FARP1: variants seen among roughly 807,000 people sequenced by gnomAD.
FARP1 encodes FERM, ARHGEF and pleckstrin domain-containing protein 1.
A neutral mutation model predicts 128.8 loss-of-function variants in FARP1; 52 were observed. That is an observed-to-expected ratio of 0.40 (90% CI 0.32 to 0.51). The LOEUF (loss-of-function observed/expected upper bound fraction) is 0.51, where lower values mean the gene tolerates loss of function less well. FARP1 is among the 20% of genes least tolerant of loss of function. The pLI is 0.45. For missense variants in FARP1, 1,333 were observed against 1,367.9 expected (o/e 0.97, Z 0.40); for synonymous variants, 580 against 551.8 (o/e 1.05, Z -0.72).
intron 2 of FARP1, chr13:98,234,212 C>T (rs1400427894): frequency 6.6e-6 from 1 of 152,206 alleles, no homozygotes; most frequent in Non-Finnish European, 1.5e-5. Flanking sequence ...GGCTTCCTCT[C>T]ACCTCACCTT....
chr13:98,358,184 T>TA (rs1888718185), intron 3 of FARP1, among the ~76,000 whole-genome samples: 1 of 151,942 alleles, frequency 6.6e-6, no homozygotes, highest in Non-Finnish European at 1.5e-5. Context: ...CTCTGTCCTG[T>TA]GAACTCGCAT....
chr13:98,414,745 C>T (rs1432785659), intron 16 of FARP1, among the ~76,000 whole-genome samples: 1 of 152,188 alleles, frequency 6.6e-6, no homozygotes, highest in East Asian at 1.9e-4. Flanking sequence ...AAGGATGGCT[C>T]CTTCAAAATT....
At chr13:98,236,208 A>G (rs1383560210) in intron 2 of FARP1, among the ~76,000 whole-genome samples, 9 of 152,108 alleles carry the variant, frequency 5.9e-5, no homozygotes, top group Admixed American at 2.0e-4. Flanking sequence ...ATCACATGGC[A>G]TTTTTTCTTC....
At chr13:98,248,751 C>T (rs921210912) in intron 2 of FARP1, among the ~76,000 whole-genome samples, 9 of 151,740 alleles carry the variant, frequency 5.9e-5, no homozygotes, top group South Asian at 2.1e-4. Context: ...TCTCAGCTCT[C>T]GCGCTGGAAA....
chr13:98,278,008 C>CTGTTGTTT (rs1884741590), intron 2 of FARP1, among the ~76,000 whole-genome samples: 1 of 152,264 alleles, frequency 6.6e-6, no homozygotes, highest in African/African-American at 2.4e-5. Flanking sequence ...ATTTAACAAG[C>CTGTTGTTT]TATTGTTTTA....
chr13:98,346,251 G>A (rs939211526), intron 3 of FARP1, among the ~76,000 whole-genome samples: 3 of 145,262 alleles, frequency 2.1e-5, no homozygotes, highest in Non-Finnish European at 4.5e-5. Flanking sequence ...GTGCAGTGGT[G>A]CGAGCTTGGC....
chr13:98,377,757 A>T, intron 5 of FARP1, 64 bp from the exon 6 acceptor site: 4 of 1,201,720 alleles, frequency 3.3e-6, no homozygotes, highest in South Asian at 2.4e-5. Flanking sequence ...TCTCATGGTG[A>T]GGCCAGGTTC....
chr13:98,253,583 A>T (rs1266751420), intron 2 of FARP1, among the ~76,000 whole-genome samples: 1 of 152,204 alleles, frequency 6.6e-6, no homozygotes, highest in Non-Finnish European at 1.5e-5. Flanking sequence ...GGTTGTGAGG[A>T]TTAAGCGAGA....
chr13:98,187,881 T>C (rs1878981160), intron 1 of FARP1, among the ~76,000 whole-genome samples: 1 of 152,228 alleles, frequency 6.6e-6, no homozygotes, highest in Non-Finnish European at 1.5e-5. Flanking sequence ...CTGCAAAGCA[T>C]GCTGTTCAGT....
At position 98,347,265 on chromosome 13, in the gene FARP1, T is replaced by A. The variant is rs148341045; in HGVS notation, c.276+3399T>A. On this transcript the variant is annotated intron_variant, in intron 3 of 26. Coordinates refer to ENST00000319562, the MANE Select transcript of FARP1 (RefSeq NM_005766.4). ...TCTTCGTAGTTATTATTTTTTTAAT[T>A]GTGGTCAAAAACAAGTAACACATTT... is the stretch of plus-strand genomic sequence containing the variant. 6.6e-3 allele frequency among the ~76,000 whole-genome samples: 1,010 copies of A among 152,084 alleles called. 13 individuals carry two copies. Among genetic ancestry groups the A allele is most frequent in the African/African-American group, 0.023 (961 of 41,314 alleles).
At chr13:98,306,588 C>T (rs542335957) in intron 2 of FARP1, among the ~76,000 whole-genome samples, 10 of 152,138 alleles carry the variant, frequency 6.6e-5, no homozygotes, top group South Asian at 4.2e-4. Context: ...AATTGTGGCC[C>T]GCTGCAGCCT....
At chr13:98,207,817 T>C (rs79738187) in intron 1 of FARP1, among the ~76,000 whole-genome samples, 2,324 of 151,912 alleles carry the variant, frequency 0.015, 59 homozygotes, top group African/African-American at 0.053. Context: ...AGAAAACATA[T>C]ATGGAATAGA....
chr13:98,319,880 G>A (rs1355586206), intron 2 of FARP1, among the ~76,000 whole-genome samples: 1 of 151,900 alleles, frequency 6.6e-6, no homozygotes, highest in Non-Finnish European at 1.5e-5. Flanking sequence ...TTGAAAATAA[G>A]TTGGAAAAAA....
chr13:98,395,394 C>G lies in FARP1; in HGVS notation c.1332C>G (p.Ala444=). The part of the protein sequence containing the change: ...PAGNKQADGA[A]SAPTEEEEEV... ...GTAACAAGCAGGCGGACGGAGCCGC[C>G]TCGGCGCCCACGGAGGAAGAGGAGG... The change falls in exon 13 of 27, where the codon GCC becomes GCG. Residue 444 remains alanine (A), a synonymous_variant. Transcript: ENST00000319562. The G allele has an allele frequency of 5.6e-6, 9 of 1,611,618 alleles. No individual in the cohort carries two copies. Among genetic ancestry groups the G allele is most frequent in the Non-Finnish European group, 7.6e-6 (9 of 1,178,960 alleles).
At chr13:98,252,266 G>C (rs564240182) in intron 2 of FARP1, among the ~76,000 whole-genome samples, 3 of 152,138 alleles carry the variant, frequency 2.0e-5, no homozygotes, top group Non-Finnish European at 4.4e-5. Flanking sequence ...CATTTTGACT[G>C]TTCAGACTTC....
intron 3 of FARP1, among the ~76,000 whole-genome samples, chr13:98,356,662 A>G (rs1888658005): frequency 1.5e-5 from 1 of 66,404 alleles, no homozygotes; most frequent in Non-Finnish European, 3.1e-5. Flanking sequence ...TATTTTTGAG[A>G]CAGCCTCGCT....
chr13:98,199,715 G>A (rs2139263670), intron 1 of FARP1, among the ~76,000 whole-genome samples: 1 of 152,282 alleles, frequency 6.6e-6, no homozygotes. Context: ...GAGTGAGGTT[G>A]GCTGCAGACT....
At chr13:98,211,086 TTGTTGTTG>T (rs917748227) in intron 1 of FARP1, among the ~76,000 whole-genome samples, 1 of 152,034 alleles carries the variant, frequency 6.6e-6, no homozygotes, top group Non-Finnish European at 1.5e-5. Context: ...TCTGAAATTG[TTGTTGTTG>T]TGTTGTTACT....
intron 3 of FARP1, among the ~76,000 whole-genome samples, chr13:98,351,946 G>A (rs1305262319): frequency 3.3e-5 from 5 of 152,122 alleles, no homozygotes; most frequent in Admixed American, 6.6e-5. Context: ...AGATTTGGAA[G>A]GGACAAATAC....
Sources: allele counts gnomAD v4.1 joint callset (sites outside exome capture counted in the v4.1 genomes callset), GRCh38; gene constraint gnomAD v4.1.1; transcripts MANE v1.5; gene names NCBI Gene and HGNC (gene_info 2026-07-23, HGNC 2026-07-21).